Variants in ANKRD31 observed in about 807,000 individuals in gnomAD.
ANKRD31 encodes the protein ankyrin repeat domain 31.
A neutral mutation model predicts 186.0 loss-of-function variants in ANKRD31; 147 were observed. That is an observed-to-expected ratio of 0.79 (90% CI 0.69 to 0.91). The LOEUF is 0.91. ANKRD31 is among the 40% of genes least tolerant of loss of function. The pLI is 0.00. For missense variants in ANKRD31, 1,986 were observed against 2,148.8 expected, an observed-to-expected ratio of 0.92 and a Z score of 1.50; for synonymous variants, 673 against 736.4, an observed-to-expected ratio of 0.91 and a Z score of 1.39.
At chr5:75,157,354 T>A (rs1366584355) in intron 11 of ANKRD31, among the ~76,000 whole-genome samples, 1 of 152,178 alleles carries the variant, frequency 6.6e-6, no homozygotes, top group East Asian at 1.9e-4. Context: ...GCTGAGGTGA[T>A]TTCCAAGTTA....
chr5:75,109,531 A>G (rs1049485389), intron 20 of ANKRD31, among the ~76,000 whole-genome samples: 1 of 152,320 alleles, frequency 6.6e-6, no homozygotes, highest in Admixed American at 6.5e-5. Context: ...CTTTACCTCA[A>G]GCCTAATAGG....
At chr5:75,127,559 A>G (rs906593780) in intron 17 of ANKRD31, among the ~76,000 whole-genome samples, 3 of 152,248 alleles carry the variant, frequency 2.0e-5, no homozygotes, top group African/African-American at 7.2e-5. Context: ...TCTACACACT[A>G]TAGATAATAT....
chr5:75,123,541 T>C lies in ANKRD31; in HGVS notation c.3877-5244A>G, dbSNP rs150417815. On this transcript the variant is annotated intron_variant, in intron 17 of 25. Transcript: ENST00000506364. ...GAGCACATTACCTGACTTCAAATTA[T>C]ACTGCAAGGTTATAATAATCAAAAA... Among the ~76,000 whole-genome samples, 5 of 152,150 alleles carry C rather than the reference T, an allele frequency of 3.3e-5. No homozygotes were observed. In the East Asian group the frequency reaches 9.7e-4, roughly 29 times the overall value.
chr5:75,129,070 G>T (rs893312016), intron 17 of ANKRD31, among the ~76,000 whole-genome samples: 1 of 152,142 alleles, frequency 6.6e-6, no homozygotes, highest in Non-Finnish European at 1.5e-5. Flanking sequence ...GATCATGAGG[G>T]TGGTTTCTAA....
intron 1 of ANKRD31, among the ~76,000 whole-genome samples, chr5:75,236,335 G>A (rs1226578793): frequency 6.6e-6 from 1 of 152,168 alleles, no homozygotes; most frequent in East Asian, 1.9e-4. Context: ...AAAGCCTTTT[G>A]AAAAATGCTA....
chr5:75,101,640 T>C (rs1468059040), intron 22 of ANKRD31, among the ~76,000 whole-genome samples: 2 of 152,230 alleles, frequency 1.3e-5, no homozygotes, highest in Non-Finnish European at 2.9e-5. Context: ...TTACTCTTTT[T>C]TCTCTAAACT....
intron 24 of ANKRD31, among the ~76,000 whole-genome samples, chr5:75,081,378 G>A (rs1745066172): frequency 6.6e-6 from 1 of 152,096 alleles, no homozygotes; most frequent in Admixed American, 6.6e-5. Flanking sequence ...GAAAAATCAG[G>A]ATTTGTGAAA....
intron 9 of ANKRD31, among the ~76,000 whole-genome samples, chr5:75,190,283 A>T (rs111613562): frequency 2.3e-4 from 35 of 152,210 alleles, no homozygotes; most frequent in African/African-American, 6.7e-4. Context: ...AGCCTCCCAA[A>T]GTACTGCGAC....
chr5:75,225,178 G>GA (rs1001297639), intron 2 of ANKRD31, among the ~76,000 whole-genome samples: 2 of 152,078 alleles, frequency 1.3e-5, no homozygotes, highest in Non-Finnish European at 2.9e-5. Context: ...TTATTCTAAG[G>GA]AAAAAATCAG....
intron 17 of ANKRD31, among the ~76,000 whole-genome samples, chr5:75,129,764 G>A (rs901021586): frequency 3.3e-5 from 5 of 152,324 alleles, no homozygotes; most frequent in Admixed American, 3.3e-4. Flanking sequence ...GAGGTACCAG[G>A]TTCATCTCAC....
At position 75,191,256 on chromosome 5, in the gene ANKRD31, C is replaced by T. The variant is rs541066904; in HGVS notation, c.1408+1411G>A. Among the ~76,000 whole-genome samples the T allele has an allele frequency of 1.8e-4, 28 of 152,182 alleles. No homozygotes were observed. The South Asian group carries it at 5.8e-3, about 32-fold the overall frequency. ...ACTTATTGCTTAGTCTTTCTTTTCA[C>T]CACAATTTGAGATGCCATCTGTATT... On this transcript the variant is annotated intron_variant, in intron 9 of 25. Coordinates refer to ENST00000506364, the MANE Select transcript of ANKRD31 (RefSeq NM_001372053.1).
rs1356732726 is a variant in ANKRD31 at position 75,104,676 on chromosome 5, TTGTC to T, written c.4879_4882del (p.Asp1627LysfsTer11). ...GGAAGAAACATAGAATTCATGGTCT[TTGTC>T]TGTAGCTTCTGTAAGATCATTCTCT... On this transcript the variant is annotated frameshift_variant, in exon 22 of 26. Transcript: ENST00000506364. LOFTEE classifies it high-confidence loss of function. 15 of 1,536,260 alleles carry T rather than the reference TTGTC, an allele frequency of 9.8e-6. No individual in the cohort carries two copies. The highest frequency in any genetic ancestry group is 1.2e-5 in the South Asian group (1 of 83,766).
intron 4 of ANKRD31, among the ~76,000 whole-genome samples, chr5:75,209,419 G>A (rs987640930): frequency 6.6e-6 from 1 of 152,164 alleles, no homozygotes; most frequent in South Asian, 2.1e-4. Flanking sequence ...GCTCATGCCT[G>A]TAATCCCAGC....
chr5:75,160,534 G>A (rs976926696), intron 11 of ANKRD31, among the ~76,000 whole-genome samples: 6 of 152,076 alleles, frequency 3.9e-5, no homozygotes, highest in Non-Finnish European at 1.5e-5. Flanking sequence ...TAATCAAAAG[G>A]CAGAGATGGT....
intron 17 of ANKRD31, among the ~76,000 whole-genome samples, chr5:75,129,827 C>T (rs1389173819): frequency 6.6e-6 from 1 of 152,200 alleles, no homozygotes; most frequent in African/African-American, 2.4e-5. Context: ...CGAAGCAGGG[C>T]AGGGCATCAC....
At chr5:75,183,720 C>T (rs1582504) in intron 10 of ANKRD31, among the ~76,000 whole-genome samples, 77,123 of 151,762 alleles carry the variant, frequency 0.51, 22,642 homozygotes, top group African/African-American at 0.82. Context: ...GAAAGATCTC[C>T]ACACTGAAAA....
At chr5:75,187,527 C>G (rs188258279) in intron 10 of ANKRD31, among the ~76,000 whole-genome samples, 51 of 151,646 alleles carry the variant, frequency 3.4e-4, no homozygotes, top group East Asian at 3.3e-3. Context: ...TCAAAATTGG[C>G]TGCATATAGG....
intron 10 of ANKRD31, among the ~76,000 whole-genome samples, chr5:75,181,218 TAA>T (rs1370248767): frequency 3.3e-5 from 5 of 152,098 alleles, no homozygotes; most frequent in African/African-American, 1.2e-4. Context: ...TGGTGATCAT[TAA>T]AAAGTCAGGA....
chr5:75,236,117 G>T (rs890609773), intron 1 of ANKRD31, among the ~76,000 whole-genome samples: 1 of 152,084 alleles, frequency 6.6e-6, no homozygotes, highest in African/African-American at 2.4e-5. Context: ...CGACTTTTTT[G>T]GATTCGTATA....
Sources: gnomAD v4.1 joint callset for allele counts (sites outside exome capture counted in the v4.1 genomes callset) on GRCh38, gnomAD v4.1.1 for gene constraint, MANE v1.5 for transcripts, NCBI Gene and HGNC (gene_info 2026-07-23, HGNC 2026-07-21) for gene names.